MIPEP: variants seen among roughly 807,000 people sequenced by gnomAD.
The protein encoded by MIPEP is mitochondrial intermediate peptidase.
In MIPEP, 79 loss-of-function variants were observed where a neutral mutation model predicts 90.3. That is an observed-to-expected ratio of 0.87 (90% confidence interval 0.73 to 1.05). MIPEP has a LOEUF of 1.05. MIPEP is among the 50% of genes least tolerant of loss of function. MIPEP has a pLI of 0.00. For missense variants in MIPEP, 940 were observed against 905.6 expected, an observed-to-expected ratio of 1.04 and a Z score of -0.49; for synonymous variants, 334 against 315.8, an observed-to-expected ratio of 1.06 and a Z score of -0.61.
intron 14 of MIPEP, among the ~76,000 whole-genome samples, chr13:23,824,465 G>A (rs9551011): frequency 0.19 from 28,736 of 152,138 alleles, 3,192 homozygotes; most frequent in Non-Finnish European, 0.25. Flanking sequence ...CCCTGGGCAC[G>A]TGATAGGTCT....
chr13:23,737,826 C>T (rs372215319), intron 18 of MIPEP, among the ~76,000 whole-genome samples: 3 of 152,128 alleles, frequency 2.0e-5, no homozygotes, highest in Non-Finnish European at 2.9e-5. Flanking sequence ...AGGGTGAAAT[C>T]GTTGGTGTAT....
intron 14 of MIPEP, among the ~76,000 whole-genome samples, chr13:23,812,194 C>T (rs201033767): frequency 1.5e-4 from 10 of 66,156 alleles, no homozygotes; most frequent in Admixed American, 1.2e-3. Flanking sequence ...AACTGTAACG[C>T]GTGCAGGGAA....
At chr13:23,768,896 G>A (rs1005121612) in intron 16 of MIPEP, among the ~76,000 whole-genome samples, 8 of 152,158 alleles carry the variant, frequency 5.3e-5, no homozygotes, top group Non-Finnish European at 8.8e-5. Flanking sequence ...ACAGGATTGT[G>A]TCTATCAAAA....
chr13:23,801,958 A>T (rs753722129), intron 16 of MIPEP, among the ~76,000 whole-genome samples: 1 of 151,026 alleles, frequency 6.6e-6, no homozygotes, highest in Non-Finnish European at 1.5e-5. Flanking sequence ...AAAGTAAAAC[A>T]TTTTTTTTTC....
chr13:23,849,916 C>G (rs1869729467), intron 10 of MIPEP, among the ~76,000 whole-genome samples: 2 of 152,110 alleles, frequency 1.3e-5, no homozygotes, highest in South Asian at 4.2e-4. Context: ...AACACCATGG[C>G]CTCAAACTTA....
At chr13:23,858,001 A>C (rs1425504487) in intron 10 of MIPEP, among the ~76,000 whole-genome samples, 1 of 152,160 alleles carries the variant, frequency 6.6e-6, no homozygotes, top group Non-Finnish European at 1.5e-5. Flanking sequence ...AAAACAAAAA[A>C]CTTACATTTT....
intron 10 of MIPEP, among the ~76,000 whole-genome samples, chr13:23,854,126 T>G (rs185973280): frequency 2.7e-5 from 4 of 149,724 alleles, no homozygotes; most frequent in Admixed American, 1.3e-4. Context: ...CAGATCGAGA[T>G]CATCCTGGCT....
chr13:23,795,374 T>G (rs1410776153), intron 16 of MIPEP, among the ~76,000 whole-genome samples: 1 of 152,208 alleles, frequency 6.6e-6, no homozygotes, highest in Non-Finnish European at 1.5e-5. Context: ...ATGCCATTCT[T>G]TCAACCAACA....
At chr13:23,771,295 T>C (rs1952647790) in intron 16 of MIPEP, among the ~76,000 whole-genome samples, 2 of 152,262 alleles carry the variant, frequency 1.3e-5, no homozygotes, top group Middle Eastern at 3.4e-3. Flanking sequence ...CAGAATCCTT[T>C]CTAAGCAGGG....
At chr13:23,875,595 A>G (rs1337798566) in intron 4 of MIPEP, among the ~76,000 whole-genome samples, 1 of 151,854 alleles carries the variant, frequency 6.6e-6, no homozygotes, top group Non-Finnish European at 1.5e-5. Flanking sequence ...AAATAATCAA[A>G]TATTTGATCT....
intron 10 of MIPEP, among the ~76,000 whole-genome samples, chr13:23,853,654 G>A (rs535234511): frequency 2.9e-4 from 44 of 151,652 alleles, no homozygotes; most frequent in African/African-American, 9.7e-4. Flanking sequence ...TCCACCTCCC[G>A]GGTTCAAGCA....
intron 16 of MIPEP, among the ~76,000 whole-genome samples, chr13:23,763,148 A>G (rs1455576520): frequency 1.3e-5 from 2 of 152,234 alleles, no homozygotes; most frequent in East Asian, 1.9e-4. Flanking sequence ...TACACAGTCC[A>G]ATGTACTCTG....
At chr13:23,845,765 C>T (rs1276048047) in intron 10 of MIPEP, among the ~76,000 whole-genome samples, 1 of 152,166 alleles carries the variant, frequency 6.6e-6, no homozygotes, top group Non-Finnish European at 1.5e-5. Context: ...CTCTCACTCT[C>T]GCCAATGTAA....
chr13:23,742,642 G>T (rs1463854276), intron 18 of MIPEP, among the ~76,000 whole-genome samples: 1 of 152,152 alleles, frequency 6.6e-6, no homozygotes, highest in Non-Finnish European at 1.5e-5. Flanking sequence ...CCAAAACATT[G>T]ATCTGTGATT....
chr13:23,860,490 G>GA (rs1355641346), intron 9 of MIPEP, among the ~76,000 whole-genome samples: 1 of 152,202 alleles, frequency 6.6e-6, no homozygotes, highest in Non-Finnish European at 1.5e-5. Context: ...GCCTCGGCTT[G>GA]GAGGGGCAGC....
At chr13:23,765,228 C>A (rs896478342) in intron 16 of MIPEP, among the ~76,000 whole-genome samples, 4 of 152,120 alleles carry the variant, frequency 2.6e-5, no homozygotes, top group African/African-American at 7.2e-5. Flanking sequence ...CCCACAGATG[C>A]TGAGGGTCAC....
At chr13:23,851,165 C>G (rs927452735) in intron 10 of MIPEP, among the ~76,000 whole-genome samples, 2 of 152,204 alleles carry the variant, frequency 1.3e-5, no homozygotes, top group African/African-American at 2.4e-5. Context: ...AAATCACCAC[C>G]CCTTTTCTGT....
At chr13:23,876,998 C>T (rs1485734579) in intron 4 of MIPEP, among the ~76,000 whole-genome samples, 1 of 152,162 alleles carries the variant, frequency 6.6e-6, no homozygotes, top group Non-Finnish European at 1.5e-5. Flanking sequence ...GTATCTGTGT[C>T]TGTGTCTAAA....
chr13:23,796,327 G>C (rs778612912), intron 16 of MIPEP, among the ~76,000 whole-genome samples: 1 of 152,166 alleles, frequency 6.6e-6, no homozygotes, highest in Non-Finnish European at 1.5e-5. Context: ...TGAGGCATGA[G>C]AATTGCTTGA....
Sources: allele counts gnomAD v4.1 joint callset (sites outside exome capture counted in the v4.1 genomes callset), GRCh38; gene constraint gnomAD v4.1.1; transcripts MANE v1.5; gene names NCBI Gene and HGNC (gene_info 2026-07-23, HGNC 2026-07-21).